KDM4C: variants seen among roughly 807,000 people sequenced by gnomAD.
KDM4C encodes lysine-specific demethylase 4C.
A neutral mutation model predicts 129.3 loss-of-function variants in KDM4C; 81 were observed. That is an observed-to-expected ratio of 0.63 (90% confidence interval 0.52 to 0.75). KDM4C has a LOEUF of 0.75. KDM4C is among the 30% of genes least tolerant of loss of function. The probability of loss-of-function intolerance (pLI) is 0.00; values close to 1 mark genes in which losing one functional copy is unlikely to be tolerated. For missense variants in KDM4C, 1,457 were observed against 1,304.0 expected, an observed-to-expected ratio of 1.12 and a Z score of -1.81; for synonymous variants, 573 against 456.1, an observed-to-expected ratio of 1.26 and a Z score of -3.26.
At chr9:6,723,415 A>C (rs1260929551) in intron 1 of KDM4C, 1 of 150,998 alleles carries the variant, frequency 6.6e-6, no homozygotes, top group African/African-American at 2.4e-5. Flanking sequence ...TGCTGAGCAG[A>C]AGGCAACTTA....
chr9:7,140,548 G>C (rs960264318), intron 19 of KDM4C, among the ~76,000 whole-genome samples: 17 of 152,228 alleles, frequency 1.1e-4, no homozygotes, highest in African/African-American at 3.9e-4. Flanking sequence ...CCCTTCTTTT[G>C]GTAGATAGGG....
At chr9:6,993,252 A>T (rs1035759426) in intron 12 of KDM4C, among the ~76,000 whole-genome samples, 1 of 152,222 alleles carries the variant, frequency 6.6e-6, no homozygotes, top group African/African-American at 2.4e-5. Flanking sequence ...CATCTAACTT[A>T]TTCTTTTTTG....
intron 18 of KDM4C, among the ~76,000 whole-genome samples, chr9:7,107,575 T>C (rs921828190): frequency 6.6e-6 from 1 of 152,238 alleles, no homozygotes; most frequent in Non-Finnish European, 1.5e-5. Flanking sequence ...TGCACTTTGT[T>C]AATTCACTGC....
intron 18 of KDM4C, chr9:7,127,778 T>A: frequency 4.1e-6 from 1 of 244,436 alleles, no homozygotes; most frequent in Non-Finnish European, 7.8e-6. Flanking sequence ...TGTGTATATA[T>A]ATACATACAT....
At chr9:6,749,986 C>CAAAA (rs57999664) in intron 1 of KDM4C, among the ~76,000 whole-genome samples, 1 of 55,600 alleles carries the variant, frequency 1.8e-5, no homozygotes, top group African/African-American at 5.4e-5. Context: ...AACTCCTTCT[C>CAAAA]AAAAAAAAAA....
chr9:7,093,675 A>G (rs1836078436), intron 17 of KDM4C, among the ~76,000 whole-genome samples: 1 of 152,236 alleles, frequency 6.6e-6, no homozygotes, highest in African/African-American at 2.4e-5. Flanking sequence ...TAAAATATAC[A>G]GGATTACAGA....
chr9:6,803,917 G>GTTCAAAGTGATTCTCCTGCC (rs1261483970), intron 2 of KDM4C, among the ~76,000 whole-genome samples: 37 of 152,084 alleles, frequency 2.4e-4, no homozygotes, highest in Non-Finnish European at 7.4e-5. Context: ...CACCTCCTGG[G>GTTCAAAGTGATTCTCCTGCC]TTCAAAGTGA....
intron 3 of KDM4C, among the ~76,000 whole-genome samples, chr9:6,809,681 A>G (rs988121454): frequency 2.6e-5 from 4 of 152,208 alleles, no homozygotes; most frequent in African/African-American, 9.7e-5. Context: ...TACCAGTTAC[A>G]AAAGTAATAT....
At chr9:6,915,969 A>G (rs1820237692) in intron 8 of KDM4C, among the ~76,000 whole-genome samples, 1 of 152,176 alleles carries the variant, frequency 6.6e-6, no homozygotes, top group African/African-American at 2.4e-5. Context: ...GTACAAGGTA[A>G]TCAGGGTTAT....
At chr9:7,126,969 C>G (rs559945886) in intron 18 of KDM4C, among the ~76,000 whole-genome samples, 1 of 152,192 alleles carries the variant, frequency 6.6e-6, no homozygotes, top group South Asian at 2.1e-4. Context: ...AAAGTATGAA[C>G]TATAAACAAC....
intron 8 of KDM4C, among the ~76,000 whole-genome samples, chr9:6,898,546 C>G (rs1247228621): frequency 6.6e-6 from 1 of 152,122 alleles, no homozygotes; most frequent in Non-Finnish European, 1.5e-5. Flanking sequence ...TGGGAATGTT[C>G]TCTTATAAAC....
intron 1 of KDM4C, among the ~76,000 whole-genome samples, chr9:6,760,037 A>G (rs1280490502): frequency 6.6e-6 from 1 of 151,984 alleles, no homozygotes; most frequent in Non-Finnish European, 1.5e-5. Context: ...CATCACCACA[A>G]TGAATTTTTG....
chr9:7,091,578 TA>T (rs1291943194), intron 17 of KDM4C, among the ~76,000 whole-genome samples: 1 of 152,030 alleles, frequency 6.6e-6, no homozygotes, highest in Non-Finnish European at 1.5e-5. Context: ...AATGTATTTA[TA>T]AAAAAATAAT....
intron 19 of KDM4C, among the ~76,000 whole-genome samples, chr9:7,146,788 C>A: frequency 6.6e-6 from 1 of 152,200 alleles, no homozygotes; most frequent in Non-Finnish European, 1.5e-5. Flanking sequence ...GATGTTGACG[C>A]TTGCCTGCCT....
intron 17 of KDM4C, among the ~76,000 whole-genome samples, chr9:7,103,074 T>C (rs951629123): frequency 2.0e-5 from 3 of 152,180 alleles, no homozygotes; most frequent in African/African-American, 7.2e-5. Flanking sequence ...CCCTTTGGGG[T>C]GATTTTCAAT....
intron 11 of KDM4C, among the ~76,000 whole-genome samples, chr9:6,987,994 C>CAAAAA (rs1273840629): frequency 2.3e-3 from 336 of 143,242 alleles, no homozygotes; most frequent in Non-Finnish European, 3.0e-3. Flanking sequence ...CCTGTGTCTA[C>CAAAAA]AAAAAAAAAA....
At chr9:6,905,559 T>C (rs1818168005) in intron 8 of KDM4C, among the ~76,000 whole-genome samples, 1 of 152,198 alleles carries the variant, frequency 6.6e-6, no homozygotes, top group South Asian at 2.1e-4. Context: ...CCTTCAGAAT[T>C]AATGCTGAAT....
At position 7,159,514 on chromosome 9, in the gene KDM4C, T is replaced by C. The variant is rs561238013; in HGVS notation, c.2782-5724T>C. 1.1e-3 allele frequency among the ~76,000 whole-genome samples: 175 copies of C among 152,338 alleles called. 1 individual carries two copies. Among genetic ancestry groups the C allele is most frequent in the African/African-American group, 4.0e-3 (167 of 41,580 alleles). On this transcript the variant is annotated intron_variant, in intron 19 of 21. Transcript: ENST00000381309. The stretch of plus-strand genomic sequence containing the variant: ...GTGGTGCTTCCCTCAGGAGCTCTTG[T>C]AAGGCAGGCCTGGTGGTGACAAAAT...
chr9:6,855,183 A>G (rs924415277), intron 5 of KDM4C, among the ~76,000 whole-genome samples: 14 of 152,168 alleles, frequency 9.2e-5, no homozygotes, highest in African/African-American at 3.4e-4. Flanking sequence ...AATGACAGCC[A>G]GGCGCTGAGG....
Sources: allele counts gnomAD v4.1 joint callset (sites outside exome capture counted in the v4.1 genomes callset), GRCh38; gene constraint gnomAD v4.1.1; transcripts MANE v1.5; gene names NCBI Gene and HGNC (gene_info 2026-07-23, HGNC 2026-07-21).